Variants in EIF4G3 observed in about 807,000 individuals in gnomAD.
The protein encoded by EIF4G3 is eIF-4-gamma 3.
A neutral mutation model predicts 186.4 loss-of-function variants in EIF4G3; 34 were observed. That is an observed-to-expected ratio of 0.18 (90% CI 0.14 to 0.24). The LOEUF (loss-of-function observed/expected upper bound fraction) is 0.24, where lower values mean the gene tolerates loss of function less well. Ranked by LOEUF, EIF4G3 falls within the 10% of genes least tolerant of loss-of-function variation. The pLI, the probability that EIF4G3 is intolerant of heterozygous loss-of-function variation, is 1.00. For synonymous variants in EIF4G3, 673 were observed against 679.5 expected, an observed-to-expected ratio of 0.99 and a Z score of 0.15; for missense variants, 1,536 against 1,948.5, an observed-to-expected ratio of 0.79 and a Z score of 3.99.
intron 4 of EIF4G3, among the ~76,000 whole-genome samples, chr1:21,027,041 T>C (rs576439813): frequency 3.3e-5 from 5 of 149,882 alleles, no homozygotes; most frequent in African/African-American, 7.4e-5. Context: ...AGGACACGAA[T>C]AGACATTTCT....
intron 14 of EIF4G3, among the ~76,000 whole-genome samples, chr1:20,909,450 CTAGAT>C (rs2092820848): frequency 6.6e-6 from 1 of 152,022 alleles, no homozygotes; most frequent in Non-Finnish European, 1.5e-5. Flanking sequence ...CTCCCTTTAT[CTAGAT>C]TATTTATTTA....
chr1:20,842,605 A>C (rs1265992989), intron 29 of EIF4G3, among the ~76,000 whole-genome samples: 1 of 152,128 alleles, frequency 6.6e-6, no homozygotes, highest in South Asian at 2.1e-4. Context: ...GACCTCAGGT[A>C]ATCGCCTGCC....
At chr1:21,065,706 A>G (rs1010185546) in intron 3 of EIF4G3, among the ~76,000 whole-genome samples, 1 of 152,226 alleles carries the variant, frequency 6.6e-6, no homozygotes, top group Non-Finnish European at 1.5e-5. Flanking sequence ...GTAAAAGTGA[A>G]AAGTAAGGAC....
intron 20 of EIF4G3, among the ~76,000 whole-genome samples, chr1:20,867,071 A>G (rs185863822): frequency 3.9e-4 from 59 of 152,368 alleles, no homozygotes; most frequent in African/African-American, 1.3e-3. Flanking sequence ...ACTATTTTAG[A>G]AGAGCTGGGT....
In EIF4G3 at chr1:20,832,675, A is replaced by G. The variant is rs2065652988; in HGVS notation, c.4062-3403T>C. On this transcript the variant is annotated intron_variant, in intron 30 of 36. Transcript: ENST00000602326. ...ATTGCTTTTGATGTTTTAGACATGA[A>G]GTCCTTGCCCGTGCCTATGTCCTGA... Among the ~76,000 whole-genome samples the G allele has an allele frequency of 3.3e-5, 5 of 150,978 alleles. No homozygotes were observed. The South Asian group carries it at 1.1e-3, about 32-fold the overall frequency.
chr1:20,862,456 C>T, intron 22 of EIF4G3, 124 bp from the exon 23 acceptor site: 1 of 602,336 alleles, frequency 1.7e-6, no homozygotes, highest in East Asian at 3.2e-5. Context: ...CACTCCGTTG[C>T]CCAGGCTGGA....
intron 16 of EIF4G3, among the ~76,000 whole-genome samples, chr1:20,898,004 A>C (rs561547068): frequency 2.2e-4 from 33 of 152,180 alleles, no homozygotes; most frequent in Non-Finnish European, 3.8e-4. Context: ...TTCTTAAGAC[A>C]CATTGGTGAT....
rs749732838 is a variant in EIF4G3, at chr1:21,153,558, TTTTG to T, written c.-272+22613_-272+22616del. ...CAGCAATTTGTGAGATGCAGCTTTTTTTTGTTTGTTTGTTTGTTTGAGACGGAGT... is the reference window on the plus strand; with the variant it reads ...CAGCAATTTGTGAGATGCAGCTTTTTTTTGTTTGTTTGTTTGAGACGGAGT... On this transcript the variant is annotated intron_variant, in intron 2 of 36. Coordinates refer to ENST00000602326, the MANE Select transcript of EIF4G3 (RefSeq NM_001391906.1). 5.3e-4 allele frequency among the ~76,000 whole-genome samples: 80 copies of T among 152,204 alleles called. No individual in the cohort carries two copies. The East Asian group carries it at 5.8e-3, about 11-fold the overall frequency.
chr1:21,078,184 G>T (rs995484188), intron 3 of EIF4G3, among the ~76,000 whole-genome samples: 1 of 152,232 alleles, frequency 6.6e-6, no homozygotes, highest in East Asian at 1.9e-4. Flanking sequence ...TTACTGTAGC[G>T]CTATTCACAA....
Position 21,050,875 on chromosome 1 carries a change from T to A in EIF4G3, c.-76A>T, listed in dbSNP as rs1201311502. ...AAAAGGTTTATCTTACTTGAGAGAG[T>A]CCAGGGGACGATGCATGTCCCGGGG... On this transcript the variant is annotated 5_prime_UTR_variant, in exon 4 of 37. Coordinates refer to ENST00000602326, the MANE Select transcript of EIF4G3 (RefSeq NM_001391906.1). 2 of 705,354 alleles carry A rather than the reference T, an allele frequency of 2.8e-6. No individual in the cohort carries two copies. The highest frequency in any genetic ancestry group is 5.4e-5 in the East Asian group (2 of 37,058). 43.7% of individuals were successfully genotyped at this position (705,354 alleles called of 1,614,324 possible). A position where few individuals can be genotyped will look rare whatever the true frequency, so the allele number is the denominator to read the frequency against.
intron 18 of EIF4G3, among the ~76,000 whole-genome samples, chr1:20,891,616 C>CAAAA (rs11343165): frequency 2.4e-5 from 2 of 81,658 alleles, no homozygotes; most frequent in Non-Finnish European, 4.7e-5. Flanking sequence ...ACTAAAAATA[C>CAAAA]AAAAAAAAAA....
intron 14 of EIF4G3, among the ~76,000 whole-genome samples, chr1:20,929,175 T>G (rs555663152): frequency 6.6e-6 from 1 of 152,102 alleles, no homozygotes; most frequent in Non-Finnish European, 1.5e-5. Context: ...CTATTCATTT[T>G]CCCCCCCATT....
chr1:20,965,343 ACT>A (rs540110522), intron 12 of EIF4G3, among the ~76,000 whole-genome samples: 7 of 151,248 alleles, frequency 4.6e-5, no homozygotes, highest in African/African-American at 7.3e-5. Flanking sequence ...GGCATCCCTG[ACT>A]CTCTCTCTCC....
At chr1:20,921,860 C>A (rs887693717) in intron 14 of EIF4G3, among the ~76,000 whole-genome samples, 2 of 152,154 alleles carry the variant, frequency 1.3e-5, no homozygotes, top group African/African-American at 4.8e-5. Context: ...AGGCTTCTGC[C>A]CTGCCATGGA....
chr1:21,139,576 C>T (rs528098151), intron 2 of EIF4G3, among the ~76,000 whole-genome samples: 2 of 152,186 alleles, frequency 1.3e-5, no homozygotes, highest in Non-Finnish European at 2.9e-5. Flanking sequence ...AAGTTAATAT[C>T]CTTTATATTA....
chr1:20,844,296 C>G (rs2069863327), intron 29 of EIF4G3, among the ~76,000 whole-genome samples: 1 of 152,202 alleles, frequency 6.6e-6, no homozygotes, highest in Non-Finnish European at 1.5e-5. Context: ...TTCTCCACAA[C>G]CTCGCCAACA....
chr1:21,054,445 G>C (rs797022610), intron 3 of EIF4G3, among the ~76,000 whole-genome samples: 1 of 143,358 alleles, frequency 7.0e-6, no homozygotes, highest in East Asian at 2.0e-4. Flanking sequence ...CCCTCTGCGA[G>C]AAACACCCAA....
intron 14 of EIF4G3, among the ~76,000 whole-genome samples, chr1:20,928,232 ACAAC>A (rs1315708411): frequency 6.6e-6 from 1 of 152,162 alleles, no homozygotes; most frequent in Non-Finnish European, 1.5e-5. Flanking sequence ...ATTTATTTAT[ACAAC>A]AATAGCATGT....
chr1:20,829,498 T>C (rs1481669332), intron 30 of EIF4G3, among the ~76,000 whole-genome samples: 1 of 152,122 alleles, frequency 6.6e-6, no homozygotes, highest in African/African-American at 2.4e-5. Flanking sequence ...ATAGGGCTAA[T>C]ACTCTGAAGA....
Sources: gnomAD v4.1 joint callset for allele counts (sites outside exome capture counted in the v4.1 genomes callset) on GRCh38, gnomAD v4.1.1 for gene constraint, MANE v1.5 for transcripts, NCBI Gene and HGNC (gene_info 2026-07-23, HGNC 2026-07-21) for gene names.